The following TEP1 variants were observed in gnomAD, a reference collection of about 807,000 sequenced individuals.
TEP1 encodes the protein telomerase protein component 1.
In TEP1, 241 loss-of-function variants were observed where a neutral mutation model predicts 306.3. That is an observed-to-expected ratio of 0.79 (90% confidence interval 0.71 to 0.88). TEP1 has a LOEUF of 0.88. Ranked by LOEUF, TEP1 falls within the 40% of genes least tolerant of loss-of-function variation. The probability of loss-of-function intolerance (pLI) is 0.00; values close to 1 mark genes in which losing one functional copy is unlikely to be tolerated. For missense variants in TEP1, 3,051 were observed against 3,276.1 expected, an observed-to-expected ratio of 0.93 and a Z score of 1.68; for synonymous variants, 1,289 against 1,305.5, an observed-to-expected ratio of 0.99 and a Z score of 0.27.
intron 1 of TEP1, 105 bp from the exon 2 acceptor site, chr14:20,408,568 T>C: frequency 1.1e-6 from 1 of 903,674 alleles, no homozygotes; most frequent in Non-Finnish European, 1.6e-6. Context: ...CAATGATTTG[T>C]GGGTAGAAAA....
chr14:20,400,780 T>A (rs1171952777), intron 9 of TEP1: 2 of 603,070 alleles, frequency 3.3e-6, no homozygotes, highest in African/African-American at 1.8e-5. Context: ...ACATCTGGTA[T>A]AATGATCTAT....
chr14:20,371,258 A>T lies in TEP1; in HGVS notation c.7277T>A (p.Phe2426Tyr), dbSNP rs780685515. ...ILSTHKEYGI[F>Y]VLQPKDPGVL... ...TCCAGGATCCTTGGGCTGCAGGACA[A>T]ATATGCCATACTCCTTGTGGGTGGA... The change falls in exon 51 of 55, where the codon TTT becomes TAT. Residue 2426 changes from phenylalanine (F) to tyrosine (Y), a missense_variant. Phe to Tyr is a conservative substitution (Grantham distance 22). Transcript: ENST00000262715. 12 of 1,614,104 alleles carry T rather than the reference A, an allele frequency of 7.4e-6. No individual in the cohort carries two copies. The highest frequency in any genetic ancestry group is 8.5e-7 in the Non-Finnish European group (1 of 1,180,032).
rs751149978 is a variant in TEP1 at position 20,382,079 on chromosome 14, CTCTGAGGCCCTCA to C, written c.4274-29_4274-17del. On this transcript the variant is annotated splice_polypyrimidine_tract_variant and intron_variant, in intron 29 of 54. Coordinates refer to ENST00000262715, the MANE Select transcript of TEP1 (RefSeq NM_007110.5). ...ACAGTCAAACCTGAAAACTCAAGCT[CTCTGAGGCCCTCA>C]TCTAACCATACGGTGTCCCCGCCCC... is the stretch of plus-strand genomic sequence containing the variant. 1 of 1,613,812 alleles carries C rather than the reference CTCTGAGGCCCTCA, an allele frequency of 6.2e-7. No individual in the cohort carries two copies. Among genetic ancestry groups the C allele is most frequent in the Non-Finnish European group, 8.5e-7 (1 of 1,179,812 alleles).
Position 20,387,969 on chromosome 14 carries a change from C to T in TEP1, c.2620G>A (p.Val874Ile), listed in dbSNP as rs372200434. Reference protein sequence around the residue: ...KIPPPPGKTGVQSLRPLEEDT... With the variant: ...KIPPPPGKTGIQSLRPLEEDT... ...TCTTCCAGTGGCCGGAGAGACTGGA[C>T]CCCTGTCTTTCCTGGGGGTGGTGGA... Residue 874 changes from valine to isoleucine, a missense_variant, in exon 18 of 55, where the codon GTC becomes ATC. Val to Ile is a conservative substitution (Grantham distance 29). Transcript: ENST00000262715. 1.9e-6 allele frequency: 3 copies of T among 1,614,064 alleles called. No individual in the cohort carries two copies. The highest frequency in any genetic ancestry group is 2.5e-6 in the Non-Finnish European group (3 of 1,179,976).
At position 20,403,548 on chromosome 14, in the gene TEP1, C is replaced by G; in HGVS notation, c.1195-100G>C. On this transcript the variant is annotated intron_variant, in intron 6 of 54. Coordinates refer to ENST00000262715, the MANE Select transcript of TEP1 (RefSeq NM_007110.5). ...AGGTGCATCTCTACCAAAAAGGAAG[C>G]CAACTAGAAAAGAAGACTGCCCTGC... 3.8e-6 allele frequency: 6 copies of G among 1,592,304 alleles called. No homozygotes were observed. The South Asian group carries it at 6.9e-5, about 18-fold the overall frequency.
At chr14:20,389,822 G>A in intron 15 of TEP1, 82 bp from the exon 16 acceptor site, 2 of 1,547,640 alleles carry the variant, frequency 1.3e-6, no homozygotes, top group South Asian at 2.4e-5. Context: ...TCTGAGGACA[G>A]GAGGATTAGG....
At position 20,365,967 on chromosome 14, in the gene TEP1, T is replaced by C. The variant is rs980733763; in HGVS notation, c.*2470A>G. On this transcript the variant is annotated 3_prime_UTR_variant, in exon 55 of 55. Coordinates refer to ENST00000262715, the MANE Select transcript of TEP1 (RefSeq NM_007110.5). ...CCAGTGGTTATAACTGTAAAACTCA[T>C]CCAGCCTTTGGGAGACACTGAAACT... 9 of 152,218 alleles carry C rather than the reference T, an allele frequency of 5.9e-5. No homozygotes were observed. Among genetic ancestry groups the C allele is most frequent in the African/African-American group, 1.9e-4 (8 of 41,460 alleles). The allele number at this position is 152,218 out of a possible 1,614,324, so 9.4% of individuals were successfully genotyped here. A position where few individuals can be genotyped will look rare whatever the true frequency, so the allele number is the denominator to read the frequency against.
At chr14:20,388,092 T>C (rs1471362073) in intron 17 of TEP1, 29 bp from the exon 18 acceptor site, 1 of 1,612,306 alleles carries the variant, frequency 6.2e-7, no homozygotes, top group Admixed American at 1.7e-5. Flanking sequence ...TAAATGAGAG[T>C]AGAATACCAC....
intron 9 of TEP1, among the ~76,000 whole-genome samples, chr14:20,398,125 A>G (rs948246015): frequency 4.6e-5 from 7 of 151,748 alleles, no homozygotes; most frequent in African/African-American, 1.7e-4. Flanking sequence ...CACGCCTGTA[A>G]TCCCAGCACT....
chr14:20,387,095 T>A (rs7148946), intron 18 of TEP1, among the ~76,000 whole-genome samples: 1 of 151,326 alleles, frequency 6.6e-6, no homozygotes, highest in Non-Finnish European at 1.5e-5. Context: ...CCACCACACC[T>A]GGCTAATTTT....
chr14:20,368,940 C>T, intron 53 of TEP1, 38 bp from the exon 54 acceptor site: 2 of 1,503,170 alleles, frequency 1.3e-6, no homozygotes, highest in Non-Finnish European at 9.2e-7. Context: ...GGTGAGTTCT[C>T]AGGGGCCCCT....
In TEP1 at chr14:20,379,912, C is replaced by T; in HGVS notation, c.5127+18G>A. The stretch of plus-strand genomic sequence containing the variant: ...GGATTTTCAGAGGGTAAATTCTGCC[C>T]CTCCTTGATTGTCATACCTGCCAAG... On this transcript the variant is annotated intron_variant, in intron 35 of 54. Coordinates refer to ENST00000262715, the MANE Select transcript of TEP1 (RefSeq NM_007110.5). 1 of 1,602,360 alleles carries T rather than the reference C, an allele frequency of 6.2e-7. No individual in the cohort carries two copies. The highest frequency in any genetic ancestry group is 8.5e-7 in the Non-Finnish European group (1 of 1,175,334).
At chr14:20,383,028 T>A (rs1876732463) in intron 27 of TEP1, 146 bp downstream of exon 27, 1 of 993,582 alleles carries the variant, frequency 1.0e-6, no homozygotes, top group Non-Finnish European at 1.5e-6. Context: ...AATCACAATT[T>A]TCTTATTAAC....
intron 49 of TEP1, among the ~76,000 whole-genome samples, chr14:20,372,445 G>C (rs1030170407): frequency 4.0e-5 from 6 of 150,900 alleles, no homozygotes; most frequent in Non-Finnish European, 8.8e-5. Flanking sequence ...AGTCTGAATA[G>C]TGCTGCTGGT....
Position 20,401,144 on chromosome 14 carries a change from G to A in TEP1, c.1392-3C>T. The A allele has an allele frequency of 6.2e-7, 1 of 1,613,930 alleles. No individual in the cohort carries two copies. Among genetic ancestry groups the A allele is most frequent in the Non-Finnish European group, 8.5e-7 (1 of 1,179,964 alleles). On this transcript the variant is annotated splice_region_variant and splice_polypyrimidine_tract_variant and intron_variant, in intron 8 of 54. Coordinates refer to ENST00000262715, the MANE Select transcript of TEP1 (RefSeq NM_007110.5). ...AGAGCTGTAGGTTGGAGGGGTATCT[G>A]AGGATAGGTAAGAAAGAGGTCTATC...
chr14:20,382,483 G>T (rs1405975542), intron 28 of TEP1, 127 bp from the exon 29 acceptor site: 1 of 1,529,706 alleles, frequency 6.5e-7, no homozygotes, highest in African/African-American at 1.4e-5. Context: ...ACAGTAGGAG[G>T]GAAGTGAGGC....
chr14:20,383,237 C>T lies in TEP1; in HGVS notation c.3984G>A (p.Arg1328=), dbSNP rs1876755361. ...ACAGGGCCAGCTCCTCTCTCACCAG[C>T]CGGGCCCGAGCAGAGGCCTCCAGAG... The part of the protein sequence containing the change: ...LGPLEASARA[R]LVREELALYG... The change falls in exon 27 of 55, where the codon CGG becomes CGA. Residue 1328 remains arginine, a synonymous_variant. Transcript: ENST00000262715. The T allele has an allele frequency of 6.2e-7, 1 of 1,613,872 alleles. No homozygotes were observed. The highest frequency in any genetic ancestry group is 1.3e-5 in the African/African-American group (1 of 74,934).
chr14:20,406,166 C>T (rs1016105620), intron 3 of TEP1, 67 bp downstream of exon 3: 104 of 1,553,542 alleles, frequency 6.7e-5, no homozygotes, highest in Non-Finnish European at 9.1e-5. Context: ...GGACCTGGTT[C>T]AAGTACTCCA....
At chr14:20,403,288 A>T (rs1878901792) in intron 7 of TEP1, 89 bp downstream of exon 7, 2 of 1,513,098 alleles carry the variant, frequency 1.3e-6, no homozygotes, top group Non-Finnish European at 1.8e-6. Flanking sequence ...GGAAGAAAGT[A>T]TTTTCAACCC....
Sources: gnomAD v4.1 joint callset for allele counts (sites outside exome capture counted in the v4.1 genomes callset) on GRCh38, gnomAD v4.1.1 for gene constraint, MANE v1.5 for transcripts, NCBI Gene and HGNC (gene_info 2026-07-23, HGNC 2026-07-21) for gene names.